Variants in PRKN observed in about 807,000 individuals in gnomAD.
PRKN encodes parkin RBR E3 ubiquitin protein ligase.
PRKN carries 56 observed loss-of-function variants against 59.5 expected under a neutral mutation model. The ratio of observed to expected loss-of-function variants is 0.94; its 90% CI spans 0.76 to 1.18. PRKN has a LOEUF of 1.18. Ranked by LOEUF, PRKN falls within the 50% of genes most tolerant of loss-of-function variation. The probability of loss-of-function intolerance (pLI) is 0.00; values close to 1 mark genes in which losing one functional copy is unlikely to be tolerated. For synonymous variants in PRKN, 250 were observed against 222.1 expected, an observed-to-expected ratio of 1.13 and a Z score of -1.12; for missense variants, 657 against 596.4, an observed-to-expected ratio of 1.10 and a Z score of -1.06.
intron 9 of PRKN, among the ~76,000 whole-genome samples, chr6:161,394,791 C>G (rs1265374059): frequency 6.6e-6 from 1 of 152,128 alleles, no homozygotes; most frequent in African/African-American, 2.4e-5. Flanking sequence ...TTAAAAGATC[C>G]ATGATAAGGT....
intron 1 of PRKN, among the ~76,000 whole-genome samples, chr6:162,461,722 G>A (rs1791187168): frequency 6.7e-6 from 1 of 149,938 alleles, no homozygotes. Context: ...TCGGGGCGGG[G>A]GGCTGAGGCA....
At chr6:162,576,550 G>A (rs1328172252) in intron 1 of PRKN, among the ~76,000 whole-genome samples, 2 of 152,100 alleles carry the variant, frequency 1.3e-5, no homozygotes, top group African/African-American at 2.4e-5. Context: ...AGTGGCTCAC[G>A]CCTGTAATTC....
intron 4 of PRKN, among the ~76,000 whole-genome samples, chr6:162,121,412 T>G (rs1780910458): frequency 2.0e-5 from 3 of 152,182 alleles, no homozygotes; most frequent in South Asian, 4.1e-4. Context: ...AATTGCAATG[T>G]GCTTACCACT....
At position 162,156,100 on chromosome 6, in the gene PRKN, A is replaced by G. The variant is rs185939031; in HGVS notation, c.534+45031T>C. Among the ~76,000 whole-genome samples the G allele has an allele frequency of 1.8e-3, 271 of 152,304 alleles. 2 individuals are homozygous for G. Among genetic ancestry groups the G allele is most frequent in the African/African-American group, 6.2e-3 (256 of 41,576 alleles). On this transcript the variant is annotated intron_variant, in intron 4 of 11. Transcript: ENST00000366898. ...GTTAGACTAAAATATTTTAATATTTACATCCCTATGTACTGTATATATATT... is the reference window on the plus strand; with the variant it reads ...GTTAGACTAAAATATTTTAATATTTGCATCCCTATGTACTGTATATATATT...
Position 161,963,180 on chromosome 6 carries a change from A to ACAAT in PRKN, c.734+10121_734+10122insATTG, listed in dbSNP as rs199891319. On this transcript the variant is annotated intron_variant, in intron 6 of 11. Coordinates refer to ENST00000366898, the MANE Select transcript of PRKN (RefSeq NM_004562.3). ...CAAAAACAAACAAACAAACAAACAA[A>ACAAT]AAACACCCACCAACAGAAAATGAAG... Among the ~76,000 whole-genome samples, 1,104 of 152,130 alleles carry ACAAT rather than the reference A, an allele frequency of 7.3e-3. 14 individuals are homozygous for ACAAT. Among genetic ancestry groups the ACAAT allele is most frequent in the African/African-American group, 0.025 (1,049 of 41,462 alleles).
At chr6:162,606,740 A>G (rs930166276) in intron 1 of PRKN, among the ~76,000 whole-genome samples, 7 of 152,060 alleles carry the variant, frequency 4.6e-5, no homozygotes, top group African/African-American at 1.7e-4. Context: ...ATTTTTTGAG[A>G]CAGTCTCACT....
intron 4 of PRKN, among the ~76,000 whole-genome samples, chr6:162,150,294 T>C (rs528724274): frequency 5.3e-4 from 81 of 152,294 alleles, no homozygotes; most frequent in African/African-American, 1.7e-3. Context: ...AAGAAGACAG[T>C]GGCAAAATGT....
At chr6:162,225,813 A>G (rs1472017433) in intron 3 of PRKN, among the ~76,000 whole-genome samples, 1 of 151,782 alleles carries the variant, frequency 6.6e-6, no homozygotes, top group African/African-American at 2.4e-5. Flanking sequence ...GACAATGTGG[A>G]TTTACCTGGG....
At chr6:162,251,904 ATT>A (rs903510574) in intron 3 of PRKN, among the ~76,000 whole-genome samples, 1 of 152,104 alleles carries the variant, frequency 6.6e-6, no homozygotes, top group African/African-American at 2.4e-5. Flanking sequence ...ATAGTTTTCC[ATT>A]TTTTACTAAT....
rs907141426 is a variant in PRKN at position 161,446,150 on chromosome 6, C to T, written c.1084-59273G>A. Among the ~76,000 whole-genome samples, 6 of 151,954 alleles carry T rather than the reference C, an allele frequency of 3.9e-5. No homozygotes were observed. Among genetic ancestry groups the T allele is most frequent in the African/African-American group, 9.7e-5 (4 of 41,326 alleles). On this transcript the variant is annotated intron_variant, in intron 9 of 11. Transcript: ENST00000366898. The surrounding 1 kb of genome is among the most constrained non-coding windows in gnomAD (Gnocchi z 6.2). Reference sequence around the variant, plus strand: ...GAGGATCATCTGAGCCTGGGGAGGTCGAGGCCACAGTAAGCTAGGATTGTA... The same window carrying T: ...GAGGATCATCTGAGCCTGGGGAGGTTGAGGCCACAGTAAGCTAGGATTGTA...
chr6:161,570,351 A>C (rs1780842643), intron 7 of PRKN, among the ~76,000 whole-genome samples: 1 of 147,374 alleles, frequency 6.8e-6, no homozygotes, highest in Admixed American at 6.8e-5. Flanking sequence ...ATATTTATAT[A>C]TAATAATATA....
chr6:161,723,687 T>C (rs888506153), intron 7 of PRKN, among the ~76,000 whole-genome samples: 4 of 152,176 alleles, frequency 2.6e-5, no homozygotes, highest in Admixed American at 6.5e-5. Flanking sequence ...CCAGGGCCAC[T>C]AGTCACCTTG....
chr6:162,475,762 T>C (rs1417041792), intron 1 of PRKN, among the ~76,000 whole-genome samples: 1 of 152,244 alleles, frequency 6.6e-6, no homozygotes, highest in Non-Finnish European at 1.5e-5. Flanking sequence ...TCTATTTATG[T>C]ATTTTGAGAC....
rs184194039 is a variant in PRKN, at chr6:161,448,608, C to T, written c.1084-61731G>A. Among the ~76,000 whole-genome samples, 13 of 152,272 alleles carry T rather than the reference C, an allele frequency of 8.5e-5. No homozygotes were observed. Among genetic ancestry groups the T allele is most frequent in the East Asian group, 5.8e-4 (3 of 5,178 alleles). On this transcript the variant is annotated intron_variant, in intron 9 of 11. Coordinates refer to ENST00000366898, the MANE Select transcript of PRKN (RefSeq NM_004562.3). The surrounding 1 kb of genome is among the most constrained non-coding windows in gnomAD (Gnocchi z 5.1). Reference sequence around the variant, plus strand: ...TCCCCCGAGGTAGCATCTATGCTGACGTTCCCGTATATCTTTTCCATCCAA... The same window carrying T: ...TCCCCCGAGGTAGCATCTATGCTGATGTTCCCGTATATCTTTTCCATCCAA...
chr6:162,448,613 C>A (rs944229407), intron 1 of PRKN, among the ~76,000 whole-genome samples: 1 of 152,100 alleles, frequency 6.6e-6, no homozygotes, highest in Admixed American at 6.5e-5. Context: ...AGAGGACATA[C>A]TTTTGTAGCT....
In PRKN at chr6:161,487,350, C is replaced by T. The variant is rs1024850840; in HGVS notation, c.1083+61504G>A. Among the ~76,000 whole-genome samples, 4 of 152,184 alleles carry T rather than the reference C, an allele frequency of 2.6e-5. No individual in the cohort carries two copies. Among genetic ancestry groups the T allele is most frequent in the African/African-American group, 9.6e-5 (4 of 41,454 alleles). ...ACACTACTGTCTCCTTCCTATACTGCCCCTTCGCCCATCTGTGTGAGCCAA... is the reference window on the plus strand; with the variant it reads ...ACACTACTGTCTCCTTCCTATACTGTCCCTTCGCCCATCTGTGTGAGCCAA... On this transcript the variant is annotated intron_variant, in intron 9 of 11. Coordinates refer to ENST00000366898, the MANE Select transcript of PRKN (RefSeq NM_004562.3). The surrounding 1 kb of genome is among the most constrained non-coding windows in gnomAD (Gnocchi z 5.3).
At chr6:161,438,511 C>T (rs1220973224) in intron 9 of PRKN, among the ~76,000 whole-genome samples, 1 of 151,994 alleles carries the variant, frequency 6.6e-6, no homozygotes, top group Non-Finnish European at 1.5e-5. Flanking sequence ...CCACTGCGCC[C>T]GGCTGAATTC....
chr6:162,132,013 C>A (rs2128308264), intron 4 of PRKN, among the ~76,000 whole-genome samples: 1 of 152,290 alleles, frequency 6.6e-6, no homozygotes, highest in African/African-American at 2.4e-5. Flanking sequence ...TTACAGATAA[C>A]ATGCCATGAC....
At position 162,716,770 on chromosome 6, in the gene PRKN, A is replaced by ACG. The variant is rs1554264958; in HGVS notation, c.7+10890_7+10891dup. 4.5e-4 allele frequency among the ~76,000 whole-genome samples: 62 copies of ACG among 136,344 alleles called. 1 individual carries two copies. The highest frequency in any genetic ancestry group is 2.9e-3 in the Admixed American group (38 of 13,066). The allele number at this position is 136,344 out of a possible 152,430, so 89.4% of individuals were successfully genotyped here. A position where few individuals can be genotyped will look rare whatever the true frequency, so the allele number is the denominator to read the frequency against. ...ACCCTACCCGCCTGCGCGCGCGCGC[A>ACG]CGCACACACACACGCGCACACACAC... On this transcript the variant is annotated intron_variant, in intron 1 of 11. Transcript: ENST00000366898.
Sources: allele counts gnomAD v4.1 joint callset (sites outside exome capture counted in the v4.1 genomes callset), GRCh38; gene constraint gnomAD v4.1.1; non-coding constraint Gnocchi (gnomAD v3.1); transcripts MANE v1.5; gene names NCBI Gene and HGNC (gene_info 2026-07-23, HGNC 2026-07-21).